Variants in DEPTOR observed in about 807,000 individuals in gnomAD.
DEPTOR encodes the protein DEP domain containing MTOR interacting protein, also known as DEP domain-containing mTOR-interacting protein.
Under a neutral mutation model 41.6 loss-of-function variants are expected in DEPTOR, and 41 were observed. The ratio of observed to expected loss-of-function variants is 0.98; its 90% CI spans 0.77 to 1.28. DEPTOR has a LOEUF of 1.28. DEPTOR is among the 50% of genes most tolerant of loss of function. The probability of loss-of-function intolerance (pLI) is 0.00; values close to 1 mark genes in which losing one functional copy is unlikely to be tolerated. For missense variants in DEPTOR, 514 were observed against 527.9 expected, an observed-to-expected ratio of 0.97 and a Z score of 0.26; for synonymous variants, 195 against 192.3, an observed-to-expected ratio of 1.01 and a Z score of -0.12.
At chr8:119,901,642 C>G (rs1278254175) in intron 1 of DEPTOR, among the ~76,000 whole-genome samples, 6 of 149,340 alleles carry the variant, frequency 4.0e-5, no homozygotes. Context: ...TGCCACTGCA[C>G]TCCAGCCTGG....
At chr8:119,990,219 C>T (rs1321315814) in intron 4 of DEPTOR, among the ~76,000 whole-genome samples, 1 of 152,084 alleles carries the variant, frequency 6.6e-6, no homozygotes, top group East Asian at 1.9e-4. Context: ...AGTGCAGTGG[C>T]GCATCTCTGC....
At chr8:119,911,311 C>CTTTTTTTTTTTTTTTTTTTTTTTTTTTT in intron 1 of DEPTOR, among the ~76,000 whole-genome samples, 1 of 105,478 alleles carries the variant, frequency 9.5e-6, no homozygotes, top group Non-Finnish European at 1.8e-5. Context: ...TACACACATT[C>CTTTTTTTTTTTTTTTTTTTTTTTTTTTT]TTTTTTTTTT....
intron 4 of DEPTOR, among the ~76,000 whole-genome samples, chr8:119,968,503 T>C (rs550736972): frequency 6.6e-6 from 1 of 152,216 alleles, no homozygotes; most frequent in South Asian, 2.1e-4. Context: ...GATTTCACCA[T>C]GTTGGCCAGG....
intron 1 of DEPTOR, among the ~76,000 whole-genome samples, chr8:119,902,999 G>A (rs28673002): frequency 0.051 from 7,691 of 152,242 alleles, 306 homozygotes; most frequent in South Asian, 0.17. Context: ...CTCCGTGAGG[G>A]CAGGGTCTAT....
intron 4 of DEPTOR, among the ~76,000 whole-genome samples, chr8:119,967,280 AT>A (rs1324521982): frequency 2.7e-5 from 4 of 150,688 alleles, no homozygotes; most frequent in Non-Finnish European, 5.9e-5. Flanking sequence ...GGGTTTCACC[AT>A]GTTGGCCAGG....
chr8:119,960,709 G>T (rs1171074836), intron 3 of DEPTOR, among the ~76,000 whole-genome samples: 1 of 152,070 alleles, frequency 6.6e-6, no homozygotes, highest in African/African-American at 2.4e-5. Flanking sequence ...GAAAAACAAG[G>T]TCGAATAAAA....
chr8:119,949,169 A>G (rs1936596250), intron 3 of DEPTOR, among the ~76,000 whole-genome samples: 1 of 152,214 alleles, frequency 6.6e-6, no homozygotes, highest in Admixed American at 6.5e-5. Context: ...ACTTGGTATA[A>G]TATTTTCAAG....
At chr8:120,002,484 C>T (rs1477798783) in intron 5 of DEPTOR, among the ~76,000 whole-genome samples, 1 of 151,880 alleles carries the variant, frequency 6.6e-6, no homozygotes, top group Non-Finnish European at 1.5e-5. Context: ...TTTTGTAAAT[C>T]ACAACTTTGC....
At chr8:120,032,304 C>T (rs894819989) in intron 8 of DEPTOR, among the ~76,000 whole-genome samples, 1 of 150,624 alleles carries the variant, frequency 6.6e-6, no homozygotes, top group Non-Finnish European at 1.5e-5. Context: ...CTGCAACCTC[C>T]GCCTCCTAGG....
chr8:119,977,086 C>T (rs12678899), intron 4 of DEPTOR, among the ~76,000 whole-genome samples: 110,672 of 152,050 alleles, frequency 0.73, 40,468 homozygotes, highest in Middle Eastern at 0.86. Context: ...CTGCAACCTC[C>T]GCCTCCCGGG....
intron 8 of DEPTOR, among the ~76,000 whole-genome samples, chr8:120,029,568 G>C (rs550048166): frequency 6.6e-6 from 1 of 152,130 alleles, no homozygotes; most frequent in East Asian, 1.9e-4. Flanking sequence ...GCTAATTTTT[G>C]TGTTTTTAGT....
intron 4 of DEPTOR, among the ~76,000 whole-genome samples, chr8:119,982,950 G>A (rs1456114347): frequency 6.6e-6 from 1 of 152,182 alleles, no homozygotes; most frequent in Non-Finnish European, 1.5e-5. Context: ...TCTTAAGGAG[G>A]AAGAAAGAGA....
intron 4 of DEPTOR, among the ~76,000 whole-genome samples, chr8:119,981,892 G>A (rs1318308559): frequency 4.0e-5 from 6 of 151,476 alleles, no homozygotes; most frequent in Non-Finnish European, 8.8e-5. Flanking sequence ...GCGGGCGCCT[G>A]TAATCCCAGC....
intron 8 of DEPTOR, among the ~76,000 whole-genome samples, chr8:120,014,415 C>T (rs1473835033): frequency 1.3e-5 from 2 of 152,196 alleles, no homozygotes. Context: ...CATTTAATGT[C>T]AGCATCCAGA....
intron 8 of DEPTOR, among the ~76,000 whole-genome samples, chr8:120,018,376 G>A (rs1812643790): frequency 2.0e-5 from 3 of 152,122 alleles, no homozygotes; most frequent in Non-Finnish European, 4.4e-5. Flanking sequence ...TCAGGAGTTC[G>A]AGACCAGCCT....
intron 4 of DEPTOR, among the ~76,000 whole-genome samples, chr8:119,974,932 CTTTA>C (rs1180478821): frequency 6.6e-6 from 1 of 151,892 alleles, no homozygotes; most frequent in Non-Finnish European, 1.5e-5. Context: ...TCAACACCTT[CTTTA>C]TTTATTACGA....
chr8:119,944,794 A>G (rs952719573), intron 3 of DEPTOR, among the ~76,000 whole-genome samples: 2 of 151,726 alleles, frequency 1.3e-5, no homozygotes, highest in African/African-American at 4.8e-5. Flanking sequence ...AGCTGGGACT[A>G]CAGGTGCGCA....
chr8:119,928,506 A>G lies in DEPTOR; in HGVS notation c.229A>G (p.Lys77Glu), dbSNP rs200534365. ...ACTGATTGACTGGCTGATTGAACAC[A>G]AAGAGGCTTCTGACAGAGAGACGGC... ...KELIDWLIEH[K>E]EASDRETAIK... Residue 77 changes from lysine to glutamate, a missense_variant, in exon 2 of 9, where the codon AAA becomes GAA. Lys to Glu is a moderately conservative substitution (Grantham distance 56). Coordinates refer to ENST00000286234, the MANE Select transcript of DEPTOR (RefSeq NM_022783.4). The G allele has an allele frequency of 6.2e-7, 1 of 1,614,200 alleles. No homozygotes were observed. The highest frequency in any genetic ancestry group is 8.5e-7 in the Non-Finnish European group (1 of 1,180,022).
At chr8:120,033,081 CTTTTTTTTTTT>C (rs35161313) in intron 8 of DEPTOR, among the ~76,000 whole-genome samples, 2 of 98,948 alleles carry the variant, frequency 2.0e-5, no homozygotes, top group African/African-American at 7.9e-5. Flanking sequence ...ATATGGAATT[CTTTTTTTTTTT>C]TTTTTTTTTT....
Sources: allele counts gnomAD v4.1 joint callset (sites outside exome capture counted in the v4.1 genomes callset), GRCh38; gene constraint gnomAD v4.1.1; transcripts MANE v1.5; gene names NCBI Gene and HGNC (gene_info 2026-07-23, HGNC 2026-07-21).